The following CFAP52 variants were observed in gnomAD, a reference collection of about 807,000 sequenced individuals.
CFAP52 encodes cilia- and flagella-associated protein 52.
In CFAP52, 57 loss-of-function variants were observed where a neutral mutation model predicts 70.5. The ratio of observed to expected loss-of-function variants is 0.81; its 90% confidence interval spans 0.65 to 1.01. CFAP52 has a LOEUF of 1.01. Ranked by LOEUF, CFAP52 falls within the 50% of genes least tolerant of loss-of-function variation. The pLI, the probability that CFAP52 is intolerant of heterozygous loss-of-function variation, is 0.00. For missense variants in CFAP52, 785 were observed against 788.5 expected (o/e 1.00, Z 0.05); for synonymous variants, 267 against 292.5 (o/e 0.91, Z 0.89).
chr17:9,586,899 G>A lies in CFAP52; in HGVS notation c.407+65G>A, dbSNP rs527236915. The A allele has an allele frequency of 7.1e-5, 106 of 1,486,278 alleles. 1 individual carries two copies. Among genetic ancestry groups the A allele is most frequent in the Admixed American group, 1.7e-4 (7 of 42,002 alleles). The allele number at this position is 1,486,278 out of a possible 1,614,324, so 92.1% of individuals were successfully genotyped here. On this transcript the variant is annotated intron_variant, in intron 3 of 13. Transcript: ENST00000352665. ...TTTAACTTTTATTTCAGGTTCAGACGTACATGTGCAGGTTTGTTATATAGG... is the reference window on the plus strand; with the variant it reads ...TTTAACTTTTATTTCAGGTTCAGACATACATGTGCAGGTTTGTTATATAGG...
intron 8 of CFAP52, among the ~76,000 whole-genome samples, chr17:9,626,181 C>T (rs1910226657): frequency 6.6e-6 from 1 of 152,168 alleles, no homozygotes; most frequent in Non-Finnish European, 1.5e-5. Flanking sequence ...TTGAACTAGG[C>T]TTGACTGCCA....
At position 9,643,024 on chromosome 17, in the gene CFAP52, T is replaced by C. The variant is rs771167165; in HGVS notation, c.1689T>C (p.Gly563=). Residue 563 remains glycine, a splice_region_variant and synonymous_variant, in exon 14 of 14, where the codon GGT becomes GGC. Coordinates refer to ENST00000352665, the MANE Select transcript of CFAP52 (RefSeq NM_145054.5). ...CATATACGTGTTTATCTTTTTCAGG[T>C]GGAAATGACCATCTGGTCAAAGTTT... ...ITQEGVHFVT[G]GNDHLVKVWD... 1.3e-6 allele frequency: 2 copies of C among 1,595,666 alleles called. No individual in the cohort carries two copies. The highest frequency in any genetic ancestry group is 1.7e-6 in the Non-Finnish European group (2 of 1,171,074).
At chr17:9,596,701 G>A (rs772282768) in intron 4 of CFAP52, among the ~76,000 whole-genome samples, 1 of 151,414 alleles carries the variant, frequency 6.6e-6, no homozygotes, top group Non-Finnish European at 1.5e-5. Context: ...TCCTCCTCAT[G>A]GTTGTTGTGT....
chr17:9,635,813 G>A (rs1266971107), intron 11 of CFAP52, among the ~76,000 whole-genome samples: 1 of 152,180 alleles, frequency 6.6e-6, no homozygotes, highest in African/African-American at 2.4e-5. Flanking sequence ...TGTCCACACA[G>A]TGAAGCATGG....
intron 1 of CFAP52, among the ~76,000 whole-genome samples, chr17:9,582,524 G>T (rs555334094): frequency 1.3e-5 from 2 of 152,240 alleles, no homozygotes; most frequent in South Asian, 4.1e-4. Context: ...TTATTGCCTT[G>T]TAGGAGTTCT....
intron 1 of CFAP52, among the ~76,000 whole-genome samples, chr17:9,584,005 C>G (rs1459296317): frequency 6.6e-6 from 1 of 152,148 alleles, no homozygotes. Context: ...GTCTCTGAAT[C>G]AGGGAAATTA....
intron 10 of CFAP52, 89 bp downstream of exon 10, chr17:9,633,122 C>T: frequency 1.4e-6 from 2 of 1,448,884 alleles, no homozygotes; most frequent in Middle Eastern, 1.8e-4. Flanking sequence ...AAAATACACA[C>T]CTTTGCTAGT....
intron 12 of CFAP52, among the ~76,000 whole-genome samples, chr17:9,640,404 C>T (rs1910999255): frequency 6.6e-6 from 1 of 150,436 alleles, no homozygotes; most frequent in Non-Finnish European, 1.5e-5. Context: ...CCACCCACCA[C>T]CCCCCGACAG....
intron 1 of CFAP52, among the ~76,000 whole-genome samples, chr17:9,585,528 A>G (rs1468903971): frequency 2.0e-5 from 3 of 152,062 alleles, no homozygotes; most frequent in Non-Finnish European, 4.4e-5. Flanking sequence ...AAAATTAGCC[A>G]GGTGTGGTGG....
chr17:9,609,958 T>G (rs1909649991), intron 7 of CFAP52, among the ~76,000 whole-genome samples: 1 of 151,654 alleles, frequency 6.6e-6, no homozygotes, highest in African/African-American at 2.4e-5. Context: ...CCTCATGGAA[T>G]AGACACTTAT....
At chr17:9,594,124 G>T in intron 3 of CFAP52, 69 bp from the exon 4 acceptor site, 4 of 1,509,868 alleles carry the variant, frequency 2.6e-6, no homozygotes, top group South Asian at 1.3e-5. Flanking sequence ...CCACTAAGAT[G>T]GTTGTTTCTT....
Position 9,586,811 on chromosome 17 carries a change from A to C in CFAP52, c.384A>C (p.Ser128=). 6.2e-7 allele frequency: 1 copy of C among 1,609,266 alleles called. No homozygotes were observed. The highest frequency in any genetic ancestry group is 8.5e-7 in the Non-Finnish European group (1 of 1,178,706). Residue 128 remains serine (S), a synonymous_variant, in exon 3 of 14, where the codon TCA becomes TCC. Coordinates refer to ENST00000352665, the MANE Select transcript of CFAP52 (RefSeq NM_145054.5). ...AFSPNDLYLV[S]LGGPDDGSVV... ...CTCCAAATGATTTGTACTTGGTATC[A>C]CTAGGAGGCCCAGATGACGGAAGGT...
intron 3 of CFAP52, among the ~76,000 whole-genome samples, chr17:9,588,113 G>T (rs1456238544): frequency 1.3e-5 from 2 of 152,326 alleles, no homozygotes; most frequent in East Asian, 3.9e-4. Context: ...GTCAAGGATA[G>T]GCCAAGGTAG....
chr17:9,640,160 G>T (rs1234431232), intron 12 of CFAP52, among the ~76,000 whole-genome samples: 1 of 151,292 alleles, frequency 6.6e-6, no homozygotes, highest in Middle Eastern at 3.2e-3. Context: ...TTTCCGACAT[G>T]AAACAATGAG....
intron 1 of CFAP52, chr17:9,584,393 C>G (rs752343786): frequency 1.6e-6 from 2 of 1,260,372 alleles, no homozygotes; most frequent in Admixed American, 2.9e-5. Context: ...GAACTGAAAC[C>G]GAAAGTTAAA....
intron 1 of CFAP52, among the ~76,000 whole-genome samples, chr17:9,582,845 T>C (rs8076248): frequency 0.74 from 113,328 of 152,122 alleles, 43,089 homozygotes; most frequent in East Asian, 0.98. Flanking sequence ...CCATATTGGC[T>C]AGGCTGGTCT....
chr17:9,644,174 G>A (rs576431389), downstream of CFAP52, among the ~76,000 whole-genome samples: 4 of 152,186 alleles, frequency 2.6e-5, no homozygotes, highest in African/African-American at 7.2e-5. Flanking sequence ...CCCGGCTGGA[G>A]TGCAATGGCG....
chr17:9,606,229 T>G (rs1909483737), intron 6 of CFAP52, among the ~76,000 whole-genome samples: 1 of 151,884 alleles, frequency 6.6e-6, no homozygotes, highest in African/African-American at 2.4e-5. Flanking sequence ...GAAAAGTTTT[T>G]AAAAATTAGC....
intron 7 of CFAP52, among the ~76,000 whole-genome samples, chr17:9,608,445 G>A (rs7225814): frequency 0.87 from 132,983 of 152,204 alleles, 59,603 homozygotes; most frequent in East Asian, 0.98. Context: ...TACCCAGAGG[G>A]ACACTGCCCA....
Sources: gnomAD v4.1 joint callset for allele counts (sites outside exome capture counted in the v4.1 genomes callset) on GRCh38, gnomAD v4.1.1 for gene constraint, MANE v1.5 for transcripts, NCBI Gene and HGNC (gene_info 2026-07-23, HGNC 2026-07-21) for gene names.